The following BCAS3 variants were observed in gnomAD, a reference collection of about 807,000 sequenced individuals.
The protein encoded by BCAS3 is BCAS3 microtubule associated cell migration factor.
In BCAS3, 53 loss-of-function variants were observed where a neutral mutation model predicts 116.1. The observed-to-expected ratio is 0.46, with a 90% CI of 0.37 to 0.57. The LOEUF is 0.57. Among genes scored for constraint, BCAS3 ranks in the 20% least tolerant of loss-of-function variants. The pLI, the probability that BCAS3 is intolerant of heterozygous loss-of-function variation, is 0.00. For missense variants in BCAS3, 917 were observed against 1,165.4 expected (o/e 0.79, Z 3.10); for synonymous variants, 391 against 408.2 (o/e 0.96, Z 0.51).
In BCAS3 at chr17:61,021,541, GA is replaced by G. The variant is rs916762204; in HGVS notation, c.1637+5650del. 1.1e-4 allele frequency among the ~76,000 whole-genome samples: 17 copies of G among 148,018 alleles called. No homozygotes were observed. Among genetic ancestry groups the G allele is most frequent in the East Asian group, 7.8e-4 (4 of 5,106 alleles). ...GTGTCCTAGGTAAATTTCTTCACCT[GA>G]AAAAAAAAAGTTTATATATATGGAT... On this transcript the variant is annotated intron_variant, in intron 16 of 23. Transcript: ENST00000407086. The surrounding 1 kb of genome is among the most constrained non-coding windows in gnomAD (Gnocchi z 4.6).
chr17:61,268,092 A>G (rs1302786921), intron 22 of BCAS3, among the ~76,000 whole-genome samples: 1 of 152,208 alleles, frequency 6.6e-6, no homozygotes, highest in Non-Finnish European at 1.5e-5. Context: ...CAGTATCCTT[A>G]GTCACATTTG....
chr17:61,296,917 C>A (rs1247304677), intron 22 of BCAS3, among the ~76,000 whole-genome samples: 1 of 152,164 alleles, frequency 6.6e-6, no homozygotes. Flanking sequence ...GGTTGGGTTT[C>A]ATGGTAGAGA....
At chr17:60,986,232 A>C (rs1266858383) in intron 14 of BCAS3, among the ~76,000 whole-genome samples, 1 of 152,164 alleles carries the variant, frequency 6.6e-6, no homozygotes, top group Admixed American at 6.5e-5. Flanking sequence ...TTCTTTATCC[A>C]TTCATCTGTT....
At chr17:60,984,221 G>A (rs569310893) in intron 14 of BCAS3, among the ~76,000 whole-genome samples, 24 of 152,288 alleles carry the variant, frequency 1.6e-4, no homozygotes, top group African/African-American at 5.3e-4. Context: ...CAGTTTTCTA[G>A]CAATGAAGTA....
intron 6 of BCAS3, among the ~76,000 whole-genome samples, chr17:60,752,095 T>C (rs1317453040): frequency 3.3e-5 from 5 of 152,084 alleles, no homozygotes; most frequent in African/African-American, 1.2e-4. Flanking sequence ...CACTAACTTA[T>C]ATTATTATGT....
At chr17:60,911,641 G>A (rs2058520197) in intron 12 of BCAS3, among the ~76,000 whole-genome samples, 1 of 152,066 alleles carries the variant, frequency 6.6e-6, no homozygotes, top group Non-Finnish European at 1.5e-5. Context: ...CGCCGTGTTG[G>A]CCTGGCTGGT....
chr17:61,144,124 T>C lies in BCAS3; in HGVS notation c.2425+59560T>C, dbSNP rs1267733279. Among the ~76,000 whole-genome samples the C allele has an allele frequency of 4.6e-5, 7 of 152,162 alleles. No individual in the cohort carries two copies. The highest frequency in any genetic ancestry group is 1.0e-4 in the Non-Finnish European group (7 of 68,014). On this transcript the variant is annotated intron_variant, in intron 22 of 23. Transcript: ENST00000407086. This position sits in a 1 kb window ranked among gnomAD's most constrained non-coding sequence, Gnocchi z 5.0. ...AGGACAGTTGACTCCTTTCTACTCT[T>C]TTTTTTGCCGTTGTCCCTATTTTTT...
chr17:61,070,402 T>TATATATG (rs1421925012), intron 19 of BCAS3: 1 of 166,792 alleles, frequency 6.0e-6, no homozygotes, highest in African/African-American at 2.5e-5. Context: ...TATATATATC[T>TATATATG]TTTCACCATT....
chr17:61,043,369 A>G (rs888861345), intron 19 of BCAS3, among the ~76,000 whole-genome samples: 3 of 152,046 alleles, frequency 2.0e-5, no homozygotes, highest in Non-Finnish European at 4.4e-5. Flanking sequence ...CTCTGTCTCA[A>G]AAAAGAGAGG....
At chr17:60,952,464 C>G (rs557008533) in intron 14 of BCAS3, among the ~76,000 whole-genome samples, 1 of 151,852 alleles carries the variant, frequency 6.6e-6, no homozygotes, top group East Asian at 1.9e-4. Context: ...GGGTTACAGG[C>G]GCCCAACAGC....
At chr17:61,009,542 T>G (rs2064965065) in intron 15 of BCAS3, among the ~76,000 whole-genome samples, 1 of 152,084 alleles carries the variant, frequency 6.6e-6, no homozygotes, top group South Asian at 2.1e-4. Context: ...TAATGTTATT[T>G]TAACTGATTT....
Position 60,972,683 on chromosome 17 carries a change from C to T in BCAS3, c.1222-17288C>T, listed in dbSNP as rs148285067. Among the ~76,000 whole-genome samples the T allele has an allele frequency of 5.4e-3, 826 of 152,142 alleles. 4 individuals are homozygous for T. Among genetic ancestry groups the T allele is most frequent in the Non-Finnish European group, 8.3e-3 (561 of 67,994 alleles). ...CCCAGGCTGGTCTTGAATCCATGGC[C>T]TCAAGAGATCCTCCCACTTTGGCCT... is the stretch of plus-strand genomic sequence containing the variant. On this transcript the variant is annotated intron_variant, in intron 14 of 23. Coordinates refer to ENST00000407086, the MANE Select transcript of BCAS3 (RefSeq NM_017679.5).
intron 10 of BCAS3, among the ~76,000 whole-genome samples, chr17:60,892,388 C>G (rs1227278848): frequency 6.6e-6 from 1 of 151,350 alleles, no homozygotes; most frequent in Admixed American, 6.6e-5. Flanking sequence ...TCTCGGCTCA[C>G]CGCAACCTCT....
At chr17:61,182,693 T>C (rs1024315011) in intron 22 of BCAS3, among the ~76,000 whole-genome samples, 2 of 152,234 alleles carry the variant, frequency 1.3e-5, no homozygotes, top group Non-Finnish European at 2.9e-5. Flanking sequence ...TACGCAGTCA[T>C]TGATCTAATT....
rs1169774562 is a variant in BCAS3 at position 61,239,519 on chromosome 17, G to C, written c.2426-128808G>C. On this transcript the variant is annotated intron_variant, in intron 22 of 23. Transcript: ENST00000407086. The surrounding 1 kb of genome is among the most constrained non-coding windows in gnomAD (Gnocchi z 4.2). ...TAGTGATGAGTAATTCTTTCTTTCT[G>C]ACGTTAATCATTTGCATTTTATCAG... Among the ~76,000 whole-genome samples the C allele has an allele frequency of 6.6e-6, 1 of 152,142 alleles. No homozygotes were observed. The highest frequency in any genetic ancestry group is 1.9e-4 in the East Asian group (1 of 5,200).
intron 13 of BCAS3, among the ~76,000 whole-genome samples, chr17:60,931,467 G>A (rs1315268678): frequency 1.3e-5 from 2 of 151,888 alleles, no homozygotes; most frequent in Admixed American, 6.6e-5. Context: ...AGTAGCGATG[G>A]CATTTCACCA....
chr17:60,841,986 C>A (rs1384044981), intron 7 of BCAS3, among the ~76,000 whole-genome samples: 1 of 152,092 alleles, frequency 6.6e-6, no homozygotes, highest in Non-Finnish European at 1.5e-5. Context: ...ATGTATTTTT[C>A]TGTCTGTGTG....
At position 61,313,900 on chromosome 17, in the gene BCAS3, C is replaced by T. The variant is rs1312272932; in HGVS notation, c.2426-54427C>T. Among the ~76,000 whole-genome samples, 2 of 152,186 alleles carry T rather than the reference C, an allele frequency of 1.3e-5. No individual in the cohort carries two copies. The highest frequency in any genetic ancestry group is 2.9e-5 in the Non-Finnish European group (2 of 68,038). On this transcript the variant is annotated intron_variant, in intron 22 of 23. Coordinates refer to ENST00000407086, the MANE Select transcript of BCAS3 (RefSeq NM_017679.5). This position sits in a 1 kb window ranked among gnomAD's most constrained non-coding sequence, Gnocchi z 4.3. The stretch of plus-strand genomic sequence containing the variant: ...CCTGCTGTCTCCTCCACCAGCCCCA[C>T]TCGCCCGGCCCCATACTTAGTGCTG...
At chr17:60,973,228 G>A (rs1414221587) in intron 14 of BCAS3, among the ~76,000 whole-genome samples, 3 of 152,022 alleles carry the variant, frequency 2.0e-5, no homozygotes. Flanking sequence ...AGACTTCAAG[G>A]CAATAAGAAG....
Sources: allele counts gnomAD v4.1 joint callset (sites outside exome capture counted in the v4.1 genomes callset), GRCh38; gene constraint gnomAD v4.1.1; non-coding constraint Gnocchi (gnomAD v3.1); transcripts MANE v1.5; gene names NCBI Gene and HGNC (gene_info 2026-07-23, HGNC 2026-07-21).